GPHN: variants seen among roughly 807,000 people sequenced by gnomAD.
The protein encoded by GPHN is gephyrin.
GPHN carries 17 observed loss-of-function variants against 95.5 expected under a neutral mutation model. That is an observed-to-expected ratio of 0.18 (90% CI 0.12 to 0.27). The LOEUF (loss-of-function observed/expected upper bound fraction) is 0.27. Among genes scored for constraint, GPHN ranks in the 10% least tolerant of loss-of-function variants. The pLI, the probability that GPHN is intolerant of heterozygous loss-of-function variation, is 1.00. For synonymous variants in GPHN, 320 were observed against 322.5 expected (o/e 0.99, Z 0.08); for missense variants, 660 against 978.1 (o/e 0.67, Z 4.34).
At chr14:67,301,454 T>C in the GPHN span, 8 of 1,607,986 alleles carry the variant, frequency 5.0e-6, no homozygotes, top group Non-Finnish European at 6.8e-6. Context: ...TGCTGAATAC[T>C]CCACATATTC....
chr14:67,722,625 G>C, the GPHN span: 1 of 1,612,342 alleles, frequency 6.2e-7, no homozygotes, highest in Non-Finnish European at 8.5e-7. Context: ...AGCAACAGCA[G>C]CTACAGAAGT....
At chr14:67,274,322 G>A in the GPHN span, among the ~76,000 whole-genome samples, 1 of 152,178 alleles carries the variant, frequency 6.6e-6, no homozygotes, top group South Asian at 2.1e-4. Flanking sequence ...AAGGGATCCA[G>A]TTTCAGCTTT....
the GPHN span, chr14:67,653,362 G>A: frequency 7.5e-7 from 1 of 1,341,516 alleles, no homozygotes; most frequent in Non-Finnish European, 1.1e-6. Context: ...GAGGACCTTT[G>A]TAAGTCACTA....
intron 1 of GPHN, among the ~76,000 whole-genome samples, chr14:66,589,231 A>C (rs534148605): frequency 5.2e-4 from 79 of 152,194 alleles, no homozygotes; most frequent in Non-Finnish European, 9.7e-4. Context: ...CTCCTGATGG[A>C]AGCACTAAAT....
chr14:67,678,395 G>T, the GPHN span: 1 of 1,613,840 alleles, frequency 6.2e-7, no homozygotes, highest in Non-Finnish European at 8.5e-7. Flanking sequence ...TTACGAGCTT[G>T]GGCAGAGACC....
chr14:67,359,107 G>C, the GPHN span, among the ~76,000 whole-genome samples: 1 of 152,232 alleles, frequency 6.6e-6, no homozygotes, highest in Non-Finnish European at 1.5e-5. Flanking sequence ...TCTCACAGCA[G>C]GTGACATTTG....
intron 1 of GPHN, among the ~76,000 whole-genome samples, chr14:66,512,321 AG>A (rs1416426068): frequency 6.6e-6 from 1 of 151,890 alleles, no homozygotes; most frequent in African/African-American, 2.4e-5. Flanking sequence ...TACCTGTAAA[AG>A]CTCTACAGAA....
At chr14:66,606,018 T>G (rs970664810) in intron 1 of GPHN, among the ~76,000 whole-genome samples, 2 of 152,164 alleles carry the variant, frequency 1.3e-5, no homozygotes, top group Non-Finnish European at 2.9e-5. Context: ...TTGTCAATTT[T>G]CATTTTTGTT....
intron 8 of GPHN, among the ~76,000 whole-genome samples, chr14:66,964,184 GATA>G (rs2069156452): frequency 1.3e-5 from 2 of 151,986 alleles, no homozygotes; most frequent in Admixed American, 1.3e-4. Flanking sequence ...TTAGAATAAT[GATA>G]ATTACATTAG....
the GPHN span, among the ~76,000 whole-genome samples, chr14:67,536,978 T>G: frequency 2.0e-5 from 3 of 150,506 alleles, no homozygotes; most frequent in African/African-American, 7.4e-5. Context: ...AGGCGGAGGT[T>G]GCAGTGAGCC....
At chr14:66,845,421 A>G (rs1451971915) in intron 4 of GPHN, among the ~76,000 whole-genome samples, 1 of 152,236 alleles carries the variant, frequency 6.6e-6, no homozygotes, top group Non-Finnish European at 1.5e-5. Context: ...TTCTATGAAT[A>G]AAAGGGAGAA....
chr14:66,524,795 G>T (rs1245308192), intron 1 of GPHN, among the ~76,000 whole-genome samples: 1 of 152,086 alleles, frequency 6.6e-6, no homozygotes, highest in Non-Finnish European at 1.5e-5. Flanking sequence ...ATGGTTTCCA[G>T]CTTCATCGAT....
Position 67,113,145 on chromosome 14 carries a change from G to A in GPHN, c.1600G>A (p.Val534Ile). Residue 534 changes from valine to isoleucine, a missense_variant, in exon 16 of 23, where the codon GTT becomes ATT. By Grantham distance (29) the Val-to-Ile change is conservative (BLOSUM62 3). Transcript: ENST00000478722. ...GGTTGAAGTTAATAAGTTTCCAGTGGTTGCAGTCATGTCAACAGGGAATGA... is the reference window on the plus strand; with the variant it reads ...GGTTGAAGTTAATAAGTTTCCAGTGATTGCAGTCATGTCAACAGGGAATGA... ...TEVEVNKFPV[V>I]AVMSTGNELL... The A allele has an allele frequency of 1.2e-6, 2 of 1,613,900 alleles. No homozygotes were observed. Among genetic ancestry groups the A allele is most frequent in the East Asian group, 4.5e-5 (2 of 44,872 alleles).
intron 11 of GPHN, among the ~76,000 whole-genome samples, chr14:67,076,182 C>T (rs1472655183): frequency 6.6e-6 from 1 of 152,138 alleles, no homozygotes; most frequent in Non-Finnish European, 1.5e-5. Flanking sequence ...GGAGGCAAGA[C>T]CCTCCACCAG....
intron 4 of GPHN, among the ~76,000 whole-genome samples, chr14:66,848,786 AAG>A (rs956079188): frequency 6.6e-6 from 1 of 152,000 alleles, no homozygotes; most frequent in Non-Finnish European, 1.5e-5. Context: ...CAAGAAAAAA[AAG>A]AATTTGGGGA....
chr14:67,667,862 T>C, the GPHN span, among the ~76,000 whole-genome samples: 1 of 152,034 alleles, frequency 6.6e-6, no homozygotes, highest in Non-Finnish European at 1.5e-5. Flanking sequence ...AAGAATGGCG[T>C]GAACCCGGAA....
Position 66,574,415 on chromosome 14 carries a change from A to G in GPHN, c.64+65824A>G, listed in dbSNP as rs192231424. Reference sequence around the variant, plus strand: ...GCTTTTCTTATAACTTTCATACTGTAGTTAAAAGTGATTTATGTACCGCCA... The same window carrying G: ...GCTTTTCTTATAACTTTCATACTGTGGTTAAAAGTGATTTATGTACCGCCA... On this transcript the variant is annotated intron_variant, in intron 1 of 22. Coordinates refer to ENST00000478722, the MANE Select transcript of GPHN (RefSeq NM_020806.5). Among the ~76,000 whole-genome samples the G allele has an allele frequency of 3.0e-3, 455 of 152,314 alleles. 3 individuals are homozygous for G. The highest frequency in any genetic ancestry group is 0.011 in the African/African-American group (437 of 41,566).
In GPHN at chr14:66,569,294, A is replaced by T. The variant is rs1333624785; in HGVS notation, c.64+60703A>T. Among the ~76,000 whole-genome samples, 5 of 152,166 alleles carry T rather than the reference A, an allele frequency of 3.3e-5. No individual in the cohort carries two copies. The South Asian group carries it at 1.0e-3, about 32-fold the overall frequency. ...GCTGAATTAAAATATAGTTAATATT[A>T]TTTTTTGTAGCTCAGCAACTTTTTC... On this transcript the variant is annotated intron_variant, in intron 1 of 22. Transcript: ENST00000478722.
intron 1 of GPHN, among the ~76,000 whole-genome samples, chr14:66,621,613 C>CG (rs373253464): frequency 6.9e-6 from 1 of 143,992 alleles, no homozygotes; most frequent in African/African-American, 2.6e-5. Context: ...TTAGTAGAGA[C>CG]GGGGTTTCAC....
Sources: gnomAD v4.1 joint callset for allele counts (sites outside exome capture counted in the v4.1 genomes callset) on GRCh38, gnomAD v4.1.1 for gene constraint, MANE v1.5 for transcripts, NCBI Gene and HGNC (gene_info 2026-07-23, HGNC 2026-07-21) for gene names.